Variants in TUBGCP2 observed in about 807,000 individuals in gnomAD.
TUBGCP2 encodes the protein tubulin gamma complex component 2.
Under a neutral mutation model 92.2 loss-of-function variants are expected in TUBGCP2, and 55 were observed. That is an observed-to-expected ratio of 0.60 (90% CI 0.48 to 0.75). TUBGCP2 has a LOEUF of 0.75. TUBGCP2 is among the 30% of genes least tolerant of loss of function. The probability of loss-of-function intolerance (pLI) is 0.00; values close to 1 mark genes in which losing one functional copy is unlikely to be tolerated. For synonymous variants in TUBGCP2, 533 were observed against 505.2 expected (o/e 1.06, Z -0.74); for missense variants, 1,093 against 1,188.9 (o/e 0.92, Z 1.19).
At chr10:133,309,378 C>T, upstream of TUBGCP2, 1 of 1,610,090 alleles carries the variant, frequency 6.2e-7, no homozygotes, top group Non-Finnish European at 8.5e-7. Context: ...CCACGGCGCA[C>T]TTTTCCTGCA....
At chr10:133,310,914 A>G (rs994346031), upstream of TUBGCP2, among the ~76,000 whole-genome samples, 1 of 151,618 alleles carries the variant, frequency 6.6e-6, no homozygotes, top group African/African-American at 2.4e-5. Flanking sequence ...CGATTCTCCC[A>G]CTTCAGCCTC....
intron 11 of TUBGCP2, 148 bp downstream of exon 11, chr10:133,287,981 C>G: frequency 8.6e-7 from 1 of 1,157,786 alleles, no homozygotes; most frequent in Non-Finnish European, 1.2e-6. Flanking sequence ...CCCGGCAAGC[C>G]GGCCCCGGTA....
At position 133,300,122 on chromosome 10, in the gene TUBGCP2, C is replaced by T. The variant is rs761243152; in HGVS notation, c.151-9G>A. On this transcript the variant is annotated splice_polypyrimidine_tract_variant and intron_variant, in intron 2 of 17. Coordinates refer to ENST00000252936, the MANE Select transcript of TUBGCP2 (RefSeq NM_006659.4). ...AACTCTGCAATTTTAACCTCAAAAGCACAAACATGAGTGATTTAATGACGG... is the reference window on the plus strand; with the variant it reads ...AACTCTGCAATTTTAACCTCAAAAGTACAAACATGAGTGATTTAATGACGG... 2 of 1,611,500 alleles carry T rather than the reference C, an allele frequency of 1.2e-6. No homozygotes were observed. The highest frequency in any genetic ancestry group is 2.2e-5 in the East Asian group (1 of 44,868).
chr10:133,287,736 C>T (rs868798225), intron 11 of TUBGCP2, among the ~76,000 whole-genome samples: 11 of 150,298 alleles, frequency 7.3e-5, no homozygotes, highest in Admixed American at 1.3e-4. Flanking sequence ...AGCAAAACTC[C>T]GTCTCAAAAA....
chr10:133,284,395 T>C (rs1033656468), intron 13 of TUBGCP2, among the ~76,000 whole-genome samples: 2 of 152,232 alleles, frequency 1.3e-5, no homozygotes, highest in Non-Finnish European at 2.9e-5. Context: ...GACAGGGTCT[T>C]GCTGTCGCTC....
intron 1 of TUBGCP2, among the ~76,000 whole-genome samples, chr10:133,307,870 G>A (rs949701843): frequency 2.0e-5 from 3 of 152,236 alleles, no homozygotes; most frequent in African/African-American, 7.2e-5. Context: ...CCTCTTGCTC[G>A]TGGGCTACAA....
chr10:133,292,053 CCCATGTCCCTCCGTGTCCCCCGTGTCCCT>C lies in TUBGCP2; in HGVS notation c.1214+417_1214+445del, dbSNP rs1564939750. 1.0e-3 allele frequency among the ~76,000 whole-genome samples: 12 copies of C among 11,924 alleles called. 4 individuals are homozygous for C. The highest frequency in any genetic ancestry group is 2.0e-3 in the Admixed American group (4 of 1,982). The allele number at this position is 11,924 out of a possible 152,430, so 7.8% of individuals were successfully genotyped here. The stretch of plus-strand genomic sequence containing the variant: ...TGTCCCTCCGTGTCCCTCCGTGTCC[CCCATGTCCCTCCGTGTCCCCCGTGTCCCT>C]CCGTGTCCCTCCGTGTCCCTCCGTG... On this transcript the variant is annotated intron_variant, in intron 8 of 17. Coordinates refer to ENST00000252936, the MANE Select transcript of TUBGCP2 (RefSeq NM_006659.4).
chr10:133,293,716 C>T lies in TUBGCP2; in HGVS notation c.670G>A (p.Val224Met), dbSNP rs542092054. The T allele has an allele frequency of 1.1e-5, 18 of 1,605,498 alleles. No homozygotes were observed. The highest frequency in any genetic ancestry group is 1.7e-4 in the Middle Eastern group (1 of 6,058). The change falls in exon 6 of 18, where the codon GTG becomes ATG. Residue 224 changes from valine to methionine, a missense_variant. Transcript: ENST00000252936. ...TACCTCCCGTCCACGCCCACCAGCA[C>T]GTACAGCAGGTCCTCCACCACGGCC... Reference protein sequence around the residue: ...ESAVVEDLLYVLVGVDGRYVS... With the variant: ...ESAVVEDLLYMLVGVDGRYVS...
intron 3 of TUBGCP2, 90 bp downstream of exon 3, chr10:133,299,895 A>G (rs1847596423): frequency 2.6e-6 from 4 of 1,524,950 alleles, no homozygotes; most frequent in African/African-American, 2.8e-5. Flanking sequence ...AAGAGCTGAC[A>G]GGAAGATGGC....
upstream of TUBGCP2, chr10:133,308,971 C>T (rs549797543): frequency 2.3e-5 from 28 of 1,242,798 alleles, no homozygotes; most frequent in South Asian, 3.1e-4. Context: ...GCTGTGCGCC[C>T]GCCTCGCTGC....
At chr10:133,287,734 T>C (rs1589824730) in intron 11 of TUBGCP2, among the ~76,000 whole-genome samples, 1 of 144,126 alleles carries the variant, frequency 6.9e-6, no homozygotes, top group Non-Finnish European at 1.5e-5. Flanking sequence ...AGAGCAAAAC[T>C]CCGTCTCAAA....
At chr10:133,312,223 G>A, upstream of TUBGCP2, 1 of 1,383,120 alleles carries the variant, frequency 7.2e-7, no homozygotes, top group Middle Eastern at 2.7e-4. Flanking sequence ...AGCGTCACCT[G>A]TGCCGTCTGC....
intron 13 of TUBGCP2, among the ~76,000 whole-genome samples, chr10:133,284,227 C>T (rs1293105104): frequency 1.3e-5 from 2 of 152,262 alleles, no homozygotes; most frequent in East Asian, 1.9e-4. Flanking sequence ...CCTGCAGGGA[C>T]ACCCCCAGCC....
intron 2 of TUBGCP2, chr10:133,301,615 A>G (rs992266130): frequency 1.3e-5 from 2 of 152,124 alleles, no homozygotes; most frequent in African/African-American, 4.8e-5. Context: ...TTTTTACTGA[A>G]AATCTATACT....
intron 5 of TUBGCP2, among the ~76,000 whole-genome samples, chr10:133,296,340 A>C (rs989026883): frequency 2.6e-5 from 4 of 152,196 alleles, no homozygotes; most frequent in African/African-American, 9.7e-5. Flanking sequence ...CCTGGGTACC[A>C]TCAGGAGCTC....
At chr10:133,311,783 T>C, upstream of TUBGCP2, 1 of 1,613,762 alleles carries the variant, frequency 6.2e-7, no homozygotes, top group East Asian at 2.2e-5. Context: ...GGAAATCTGC[T>C]CTGAGCCTGT....
intron 16 of TUBGCP2, among the ~76,000 whole-genome samples, chr10:133,281,776 C>T (rs1475106280): frequency 2.0e-5 from 3 of 152,262 alleles, no homozygotes; most frequent in Non-Finnish European, 4.4e-5. Flanking sequence ...AACCCAACTC[C>T]TCTCTGCCAG....
intron 8 of TUBGCP2, 69 bp from the exon 9 acceptor site, chr10:133,290,038 G>T (rs1564938027): frequency 6.3e-7 from 1 of 1,588,312 alleles, no homozygotes; most frequent in Non-Finnish European, 8.6e-7. Context: ...CACTTCTCCA[G>T]GCCGGCAGCG....
intron 4 of TUBGCP2, 131 bp downstream of exon 4, chr10:133,299,296 T>C (rs999331322): frequency 9.5e-6 from 7 of 737,930 alleles, no homozygotes; most frequent in Non-Finnish European, 1.4e-5. Flanking sequence ...GGGATTCATT[T>C]TCAATAAATG....
Sources: allele counts gnomAD v4.1 joint callset (sites outside exome capture counted in the v4.1 genomes callset), GRCh38; gene constraint gnomAD v4.1.1; transcripts MANE v1.5; gene names NCBI Gene and HGNC (gene_info 2026-07-23, HGNC 2026-07-21).